Variants in RANBP17 observed in about 807,000 individuals in gnomAD.
The protein encoded by RANBP17 is ran-binding protein 17.
In RANBP17, 158 loss-of-function variants were observed where a neutral mutation model predicts 141.2. The ratio of observed to expected loss-of-function variants is 1.12; its 90% CI spans 0.98 to 1.28. The LOEUF is 1.28. Ranked by LOEUF, RANBP17 falls within the 50% of genes most tolerant of loss-of-function variation. The pLI, the probability that RANBP17 is intolerant of heterozygous loss-of-function variation, is 0.00. For synonymous variants in RANBP17, 430 were observed against 450.0 expected (o/e 0.96, Z 0.56); for missense variants, 1,438 against 1,290.7 (o/e 1.11, Z -1.75).
chr5:171,038,888 C>G (rs1394378357), intron 14 of RANBP17, among the ~76,000 whole-genome samples: 1 of 152,050 alleles, frequency 6.6e-6, no homozygotes, highest in Non-Finnish European at 1.5e-5. Context: ...ATTTTTGTGT[C>G]TATGTTCATC....
intron 14 of RANBP17, among the ~76,000 whole-genome samples, chr5:171,086,458 C>T (rs2127718333): frequency 6.8e-6 from 1 of 147,254 alleles, no homozygotes; most frequent in South Asian, 2.3e-4. Flanking sequence ...GCTTTGGTAT[C>T]AGAATGATGC....
intron 2 of RANBP17, among the ~76,000 whole-genome samples, chr5:170,878,611 C>T (rs548621744): frequency 1.3e-5 from 2 of 152,196 alleles, no homozygotes; most frequent in Non-Finnish European, 2.9e-5. Context: ...AAGGATGATT[C>T]GAAAGCATGC....
intron 18 of RANBP17, among the ~76,000 whole-genome samples, chr5:171,198,167 T>C (rs1017298159): frequency 2.6e-5 from 4 of 152,254 alleles, no homozygotes; most frequent in Admixed American, 1.3e-4. Flanking sequence ...AAATAACATC[T>C]GTATAGGTCT....
chr5:171,286,243 C>T (rs1184937257), intron 25 of RANBP17, among the ~76,000 whole-genome samples: 1 of 152,092 alleles, frequency 6.6e-6, no homozygotes, highest in African/African-American at 2.4e-5. Flanking sequence ...GTTTCCTGGT[C>T]CTGAGGTGCT....
At chr5:171,099,510 G>A (rs887923685) in intron 14 of RANBP17, among the ~76,000 whole-genome samples, 9 of 152,176 alleles carry the variant, frequency 5.9e-5, no homozygotes. Context: ...GGGCTGAGAT[G>A]TTGGGGTTTT....
At chr5:170,890,863 T>A (rs1769535939) in intron 3 of RANBP17, among the ~76,000 whole-genome samples, 1 of 152,184 alleles carries the variant, frequency 6.6e-6, no homozygotes, top group Non-Finnish European at 1.5e-5. Flanking sequence ...TTTATCATAT[T>A]ATACTGTTTA....
chr5:171,163,708 A>G (rs958324913), intron 14 of RANBP17, among the ~76,000 whole-genome samples: 8 of 152,204 alleles, frequency 5.3e-5, no homozygotes, highest in African/African-American at 1.9e-4. Context: ...TTAATAAGTC[A>G]TTCCAATAGA....
chr5:171,290,372 AAAAAAAAAAGAAAG>A (rs200351357), intron 25 of RANBP17, among the ~76,000 whole-genome samples: 1,661 of 152,154 alleles, frequency 0.011, 15 homozygotes, highest in Middle Eastern at 0.027. Context: ...CGTCTCAAAA[AAAAAAAAAAGAAAG>A]AAAGAAAAAG....
chr5:171,199,248 G>A (rs1436630673), intron 18 of RANBP17, among the ~76,000 whole-genome samples: 1 of 151,986 alleles, frequency 6.6e-6, no homozygotes, highest in Non-Finnish European at 1.5e-5. Context: ...TAATAACTTA[G>A]AGCTATCTGG....
At chr5:171,130,415 G>C (rs1027219230) in intron 14 of RANBP17, among the ~76,000 whole-genome samples, 2 of 140,638 alleles carry the variant, frequency 1.4e-5, no homozygotes, top group African/African-American at 5.2e-5. Flanking sequence ...TGCTCAATCA[G>C]AATACTTTAA....
At chr5:170,978,020 CA>C (rs1359167913) in intron 14 of RANBP17, among the ~76,000 whole-genome samples, 1 of 151,762 alleles carries the variant, frequency 6.6e-6, no homozygotes, top group African/African-American at 2.4e-5. Context: ...AAAAACAGAC[CA>C]AAAAACTCAC....
intron 12 of RANBP17, among the ~76,000 whole-genome samples, chr5:170,937,664 C>T (rs958611551): frequency 6.6e-6 from 1 of 152,148 alleles, no homozygotes; most frequent in East Asian, 1.9e-4. Context: ...CTTGTCCTTT[C>T]AGTTGAGTAT....
intron 14 of RANBP17, among the ~76,000 whole-genome samples, chr5:171,049,385 T>C (rs1480415678): frequency 6.6e-6 from 1 of 152,222 alleles, no homozygotes; most frequent in Non-Finnish European, 1.5e-5. Context: ...GTTGGATGCA[T>C]AGTTTGCATA....
intron 19 of RANBP17, among the ~76,000 whole-genome samples, chr5:171,204,213 A>G (rs1225349673): frequency 6.6e-6 from 1 of 152,182 alleles, no homozygotes; most frequent in Non-Finnish European, 1.5e-5. Context: ...AATTCAGATA[A>G]CCATCATTCT....
intron 25 of RANBP17, among the ~76,000 whole-genome samples, chr5:171,268,966 G>C (rs1230449234): frequency 6.6e-6 from 1 of 152,182 alleles, no homozygotes; most frequent in Admixed American, 6.5e-5. Context: ...ATTTCTGTGT[G>C]TTAATAATAC....
At chr5:170,941,863 G>A (rs1774348440) in intron 12 of RANBP17, among the ~76,000 whole-genome samples, 1 of 152,088 alleles carries the variant, frequency 6.6e-6, no homozygotes, top group South Asian at 2.1e-4. Flanking sequence ...GTGTAGTCTT[G>A]TAAAGCAGAA....
chr5:170,898,387 T>C (rs1433659239), intron 5 of RANBP17, among the ~76,000 whole-genome samples: 4 of 152,188 alleles, frequency 2.6e-5, no homozygotes, highest in African/African-American at 9.6e-5. Context: ...TTTTTTTTCT[T>C]GTAAATGTGT....
chr5:171,250,418 G>T (rs1765481568), intron 24 of RANBP17, among the ~76,000 whole-genome samples: 1 of 151,878 alleles, frequency 6.6e-6, no homozygotes, highest in Non-Finnish European at 1.5e-5. Context: ...GAAAAAGATG[G>T]GAAAAAAGAA....
At chr5:170,989,912 G>A (rs1778391155) in intron 14 of RANBP17, among the ~76,000 whole-genome samples, 1 of 151,632 alleles carries the variant, frequency 6.6e-6, no homozygotes, top group Non-Finnish European at 1.5e-5. Flanking sequence ...ATTAGCAAAA[G>A]GACAGAGGAA....
Sources: gnomAD v4.1 joint callset for allele counts (sites outside exome capture counted in the v4.1 genomes callset) on GRCh38, gnomAD v4.1.1 for gene constraint, MANE v1.5 for transcripts, NCBI Gene and HGNC (gene_info 2026-07-23, HGNC 2026-07-21) for gene names.